Variants in NAV3 observed in about 807,000 individuals in gnomAD.
The protein encoded by NAV3 is neuron navigator 3.
NAV3 carries 87 observed loss-of-function variants against 244.7 expected under a neutral mutation model. The ratio of observed to expected loss-of-function variants is 0.36; its 90% confidence interval spans 0.30 to 0.42. The LOEUF (loss-of-function observed/expected upper bound fraction) is 0.42, where lower values mean the gene tolerates loss of function less well. Ranked by LOEUF, NAV3 falls within the 20% of genes least tolerant of loss-of-function variation. The pLI, the probability that NAV3 is intolerant of heterozygous loss-of-function variation, is 1.00. For missense variants in NAV3, 2,663 were observed against 2,893.3 expected (o/e 0.92, Z 1.83); for synonymous variants, 1,126 against 1,042.2 (o/e 1.08, Z -1.55).
At chr12:77,803,144 T>C (rs1219028289) in intron 2 of NAV3, among the ~76,000 whole-genome samples, 1 of 152,170 alleles carries the variant, frequency 6.6e-6, no homozygotes, top group Admixed American at 6.5e-5. Context: ...AACGTGCATG[T>C]TTGTTACATA....
chr12:77,699,728 C>T (rs1280730150), intron 2 of NAV3, among the ~76,000 whole-genome samples: 1 of 151,796 alleles, frequency 6.6e-6, no homozygotes, highest in Non-Finnish European at 1.5e-5. Flanking sequence ...AGTTGAACTT[C>T]CCTGGTGGCT....
chr12:78,105,486 C>T (rs770793447), intron 12 of NAV3, among the ~76,000 whole-genome samples: 13 of 152,124 alleles, frequency 8.5e-5, no homozygotes, highest in African/African-American at 2.6e-4. Context: ...TTATCTAACA[C>T]GTTTAATTAT....
At chr12:78,069,932 G>A (rs559671117) in intron 12 of NAV3, among the ~76,000 whole-genome samples, 1 of 152,060 alleles carries the variant, frequency 6.6e-6, no homozygotes, top group African/African-American at 2.4e-5. Flanking sequence ...AGGAATTATA[G>A]TTTGTTGCAA....
intron 2 of NAV3, among the ~76,000 whole-genome samples, chr12:77,767,437 G>A (rs1034823312): frequency 6.6e-6 from 1 of 152,118 alleles, no homozygotes; most frequent in African/African-American, 2.4e-5. Context: ...TCTGCACTTG[G>A]CCTGGTAGTC....
rs768297973 is a variant in NAV3, at chr12:78,122,048, C to T, written c.3858C>T (p.Gly1286=). Reference sequence around the variant, plus strand: ...CTAGTACCACATTAGCGCGGCAAGGCAGTCTGGAGTCACCGTCGTCCGGTA... The same window carrying T: ...CTAGTACCACATTAGCGCGGCAAGGTAGTCTGGAGTCACCGTCGTCCGGTA... The part of the protein sequence containing the change: ...PSPSTTLARQ[G]SLESPSSGTG... The change falls in exon 16 of 40, where the codon GGC becomes GGT. Residue 1286 remains glycine, a synonymous_variant. Transcript: ENST00000397909. 2.5e-6 allele frequency: 4 copies of T among 1,614,196 alleles called. No homozygotes were observed. The highest frequency in any genetic ancestry group is 3.4e-6 in the Non-Finnish European group (4 of 1,180,036).
chr12:77,921,932 A>C (rs1320439261), intron 1 of NAV3, among the ~76,000 whole-genome samples: 1 of 152,164 alleles, frequency 6.6e-6, no homozygotes, highest in East Asian at 1.9e-4. Context: ...CCCATATCAT[A>C]AGGTCCTTTG....
At chr12:78,165,185 G>A (rs1320909599) in intron 23 of NAV3, among the ~76,000 whole-genome samples, 4 of 151,986 alleles carry the variant, frequency 2.6e-5, no homozygotes, top group Admixed American at 2.6e-4. Flanking sequence ...ATCTTGAATA[G>A]CTCACTGGAG....
chr12:77,935,525 T>A (rs573064302), intron 1 of NAV3, among the ~76,000 whole-genome samples: 4 of 152,326 alleles, frequency 2.6e-5, no homozygotes, highest in African/African-American at 7.2e-5. Flanking sequence ...ACAATATTTC[T>A]CATGGTTAAT....
At chr12:77,765,788 C>CT (rs1869720214) in intron 2 of NAV3, among the ~76,000 whole-genome samples, 2 of 151,650 alleles carry the variant, frequency 1.3e-5, no homozygotes, top group African/African-American at 4.8e-5. Flanking sequence ...AAAAGAAGCC[C>CT]TGAAGAATCC....
In NAV3 at chr12:78,007,249, A is replaced by T. The variant is rs752247816; in HGVS notation, c.1711A>T (p.Met571Leu). Residue 571 changes from methionine (M) to leucine (L), a missense_variant, in exon 8 of 40, where the codon ATG becomes TTG. Around this residue, in one of 6 missense-constraint regions of NAV3, gnomAD observed 1,521 missense variants for 1,497.0 expected, o/e 1.02. Coordinates refer to ENST00000397909, the MANE Select transcript of NAV3 (RefSeq NM_001024383.2). ...CCAGTCCTTATCTAAGCCTATAACCATGGAGAAAGCAAGTGCTTCTAGTTG... is the reference window on the plus strand; with the variant it reads ...CCAGTCCTTATCTAAGCCTATAACCTTGGAGAAAGCAAGTGCTTCTAGTTG... Reference protein sequence around the residue: ...PSQSLSKPITMEKASASSCPA... With the variant: ...PSQSLSKPITLEKASASSCPA... The T allele has an allele frequency of 1.9e-6, 3 of 1,614,182 alleles. No individual in the cohort carries two copies. The highest frequency in any genetic ancestry group is 2.2e-5 in the South Asian group (2 of 91,084).
intron 2 of NAV3, among the ~76,000 whole-genome samples, chr12:77,776,095 A>G (rs943538910): frequency 2.0e-5 from 3 of 152,216 alleles, no homozygotes; most frequent in African/African-American, 4.8e-5. Context: ...TGGACCATTC[A>G]TAGAAGCCCA....
At chr12:77,851,051 C>T (rs928015522) in intron 1 of NAV3, among the ~76,000 whole-genome samples, 3 of 152,200 alleles carry the variant, frequency 2.0e-5, no homozygotes, top group Non-Finnish European at 4.4e-5. Flanking sequence ...CCATATCTAC[C>T]TAACTGTGTC....
intron 2 of NAV3, among the ~76,000 whole-genome samples, chr12:77,633,563 GAC>G (rs1872014376): frequency 1.3e-5 from 2 of 151,966 alleles, no homozygotes; most frequent in Non-Finnish European, 2.9e-5. Context: ...AAAGATCTCA[GAC>G]AGTTTCAAAA....
chr12:77,811,570 T>G (rs1872289764), intron 2 of NAV3, among the ~76,000 whole-genome samples: 1 of 152,226 alleles, frequency 6.6e-6, no homozygotes, highest in East Asian at 1.9e-4. Flanking sequence ...CAGAAGGGGC[T>G]CACCTAAGCT....
At chr12:77,718,930 C>T (rs1592614424) in intron 2 of NAV3, among the ~76,000 whole-genome samples, 4 of 152,288 alleles carry the variant, frequency 2.6e-5, no homozygotes, top group Admixed American at 2.6e-4. Flanking sequence ...GCTGGGATTA[C>T]AGGCATGAGC....
chr12:77,994,422 T>C (rs879416528), intron 5 of NAV3, among the ~76,000 whole-genome samples: 34 of 152,350 alleles, frequency 2.2e-4, no homozygotes, highest in Non-Finnish European at 4.7e-4. Flanking sequence ...TTTAAACTTT[T>C]TAAGAAAGTG....
At chr12:77,915,156 TGCACA>T (rs1393172436) in intron 1 of NAV3, among the ~76,000 whole-genome samples, 3 of 152,064 alleles carry the variant, frequency 2.0e-5, no homozygotes, top group African/African-American at 4.8e-5. Context: ...CCTGACCAGC[TGCACA>T]TTTTCTTTGG....
chr12:78,058,613 C>T (rs1883866199), intron 11 of NAV3, among the ~76,000 whole-genome samples: 1 of 152,152 alleles, frequency 6.6e-6, no homozygotes, highest in South Asian at 2.1e-4. Flanking sequence ...TGATCCATTA[C>T]TCCTATGACC....
intron 2 of NAV3, among the ~76,000 whole-genome samples, chr12:77,720,470 T>C (rs1383774975): frequency 1.3e-5 from 2 of 152,100 alleles, no homozygotes; most frequent in African/African-American, 4.8e-5. Context: ...CTTCCTCTTG[T>C]GTCTGTTTGA....
Sources: gnomAD v4.1 joint callset for allele counts (sites outside exome capture counted in the v4.1 genomes callset) on GRCh38, gnomAD v4.1.1 for gene constraint, gnomAD v4.1.1 regional missense constraint, MANE v1.5 for transcripts, NCBI Gene and HGNC (gene_info 2026-07-23, HGNC 2026-07-21) for gene names.